Variants in MGAM observed in about 807,000 individuals in gnomAD.
MGAM encodes maltase-glucoamylase.
Under a neutral mutation model 358.8 loss-of-function variants are expected in MGAM, and 253 were observed. The ratio of observed to expected loss-of-function variants is 0.71; its 90% CI spans 0.64 to 0.78. The LOEUF (loss-of-function observed/expected upper bound fraction) is 0.78, where lower values mean the gene tolerates loss of function less well. Among genes scored for constraint, MGAM ranks in the 30% least tolerant of loss-of-function variants. The pLI is 0.00. For missense variants in MGAM, 3,080 were observed against 3,432.6 expected (o/e 0.90, Z 2.57); for synonymous variants, 1,105 against 1,227.1 (o/e 0.90, Z 2.08).
intron 18 of MGAM, among the ~76,000 whole-genome samples, chr7:142,037,796 T>C (rs1289713269): frequency 6.6e-6 from 1 of 152,192 alleles, no homozygotes; most frequent in Non-Finnish European, 1.5e-5. Flanking sequence ...CATATATTTA[T>C]GGGGTATATG....
chr7:142,060,163 T>G, intron 33 of MGAM, 148 bp from the exon 34 acceptor site: 1 of 1,305,482 alleles, frequency 7.7e-7, no homozygotes, highest in Non-Finnish European at 1.1e-6. Flanking sequence ...TAACGTGTTA[T>G]GGAGTTCACT....
chr7:142,049,306 T>G (rs60772239), intron 22 of MGAM, among the ~76,000 whole-genome samples: 3,364 of 152,228 alleles, frequency 0.022, 135 homozygotes, highest in African/African-American at 0.075. Context: ...TGTGCAGAAG[T>G]AAAATTAAAA....
chr7:142,016,986 C>A (rs1806024293), intron 3 of MGAM, among the ~76,000 whole-genome samples: 1 of 152,164 alleles, frequency 6.6e-6, no homozygotes, highest in Non-Finnish European at 1.5e-5. Context: ...GTTGGACTTA[C>A]TTCTTTAAAT....
At chr7:142,024,739 G>T (rs1806794957) in intron 7 of MGAM, among the ~76,000 whole-genome samples, 3 of 152,120 alleles carry the variant, frequency 2.0e-5, no homozygotes, top group Non-Finnish European at 4.4e-5. Flanking sequence ...GGTTAAGACA[G>T]GCCTCTTTGA....
Position 142,093,464 on chromosome 7 carries a change from T to C in MGAM, c.7086T>C (p.Ser2362=), listed in dbSNP as rs765841570. 3 of 1,532,774 alleles carry C rather than the reference T, an allele frequency of 2.0e-6. No individual in the cohort carries two copies. Among genetic ancestry groups the C allele is most frequent in the Non-Finnish European group, 2.7e-6 (3 of 1,120,696 alleles). The allele number at this position is 1,532,774 out of a possible 1,614,324, so 94.9% of individuals were successfully genotyped here. ...GLSSKTLCME[S]QQILPDGSPV... is the part of the protein sequence containing the mutation. ...GCAGCAAGACCCTGTGCATGGAGAG[T>C]CAGCAGATCCTCCCAGACGGCTCCC... The change falls in exon 60 of 71, where the codon AGT becomes AGC. Residue 2362 remains serine (S), a synonymous_variant. Coordinates refer to ENST00000475668, the MANE Select transcript of MGAM (RefSeq NM_001365693.1).
chr7:142,019,616 G>A lies in MGAM; in HGVS notation c.448+297G>A, dbSNP rs117322095. Reference sequence around the variant, plus strand: ...CAAGTTTATCCCTTTTAAAGTGGGGGATTTGAAATTGGTAACCTCTCAGAC... The same window carrying A: ...CAAGTTTATCCCTTTTAAAGTGGGGAATTTGAAATTGGTAACCTCTCAGAC... On this transcript the variant is annotated intron_variant, in intron 4 of 70. Transcript: ENST00000475668. Among the ~76,000 whole-genome samples the A allele has an allele frequency of 3.3e-3, 507 of 152,312 alleles. 15 individuals carry two copies. In the South Asian group the frequency reaches 0.056, roughly 17 times the overall value.
intron 1 of MGAM, among the ~76,000 whole-genome samples, chr7:141,996,310 A>G (rs1376554988): frequency 6.6e-6 from 1 of 152,158 alleles, no homozygotes; most frequent in East Asian, 1.9e-4. Flanking sequence ...CAAAAAAAAA[A>G]AAAAAGCCCT....
In MGAM at chr7:142,105,974, C is replaced by A; in HGVS notation, c.*83C>A. 9.2e-7 allele frequency: 1 copy of A among 1,091,882 alleles called. No individual in the cohort carries two copies. Among genetic ancestry groups the A allele is most frequent in the South Asian group, 1.3e-5 (1 of 76,214 alleles). The allele number at this position is 1,091,882 out of a possible 1,614,324, so 67.6% of individuals were successfully genotyped here. ...TACTCATAAAAATTATTGTGTGTTG[C>A]TAATTTGTTCATACCCACTATTGGT... On this transcript the variant is annotated 3_prime_UTR_variant, in exon 71 of 71. Coordinates refer to ENST00000475668, the MANE Select transcript of MGAM (RefSeq NM_001365693.1).
Position 142,022,136 on chromosome 7 carries a change from C to A in MGAM, c.711-132C>A. On this transcript the variant is annotated intron_variant, in intron 6 of 70. Coordinates refer to ENST00000475668, the MANE Select transcript of MGAM (RefSeq NM_001365693.1). Reference sequence around the variant, plus strand: ...TCTCTTGTTTTCCATAGAAAAATGTCACAGGAGGGCAAATGGGACTGAATG... The same window carrying A: ...TCTCTTGTTTTCCATAGAAAAATGTAACAGGAGGGCAAATGGGACTGAATG... 3.6e-6 allele frequency: 3 copies of A among 833,668 alleles called. No homozygotes were observed. The East Asian group carries it at 8.0e-5, about 22-fold the overall frequency. The allele number at this position is 833,668 out of a possible 1,614,324, so 51.6% of individuals were successfully genotyped here. A position where few individuals can be genotyped will look rare whatever the true frequency, so the allele number is the denominator to read the frequency against.
intron 44 of MGAM, 94 bp from the exon 45 acceptor site, chr7:142,073,991 C>A: frequency 1.1e-6 from 1 of 920,370 alleles, no homozygotes; most frequent in African/African-American, 1.6e-5. Context: ...CTGCTAGTAT[C>A]TTTTCCAGTT....
In MGAM at chr7:142,093,482, C is replaced by A; in HGVS notation, c.7104C>A (p.Asp2368Glu). ...LCMESQQILP[D>E]GSPVQHYNVH... is the part of the protein sequence containing the mutation. The stretch of plus-strand genomic sequence containing the variant: ...TGGAGAGTCAGCAGATCCTCCCAGA[C>A]GGCTCCCCGGTGCAGCACTACAATG... Residue 2368 changes from aspartate (D) to glutamate (E), a missense_variant, in exon 60 of 71, where the codon GAC becomes GAA. Asp to Glu is a conservative substitution (Grantham distance 45, BLOSUM62 2). Transcript: ENST00000475668. The A allele has an allele frequency of 6.6e-7, 1 of 1,523,424 alleles. No homozygotes were observed. Among genetic ancestry groups the A allele is most frequent in the South Asian group, 1.2e-5 (1 of 84,408 alleles). 94.4% of individuals were successfully genotyped at this position (1,523,424 alleles called of 1,614,324 possible).
chr7:142,002,492 T>A (rs1156960065), intron 1 of MGAM, among the ~76,000 whole-genome samples: 1 of 152,048 alleles, frequency 6.6e-6, no homozygotes, highest in East Asian at 1.9e-4. Flanking sequence ...TATCAATAGA[T>A]GCACAAAAAG....
chr7:142,044,515 G>A (rs1170754832), intron 21 of MGAM, among the ~76,000 whole-genome samples: 3 of 89,460 alleles, frequency 3.4e-5, no homozygotes, highest in African/African-American at 1.1e-4. Flanking sequence ...GATATATAAT[G>A]TATATTATAC....
rs148964047 is a variant in MGAM, at chr7:142,074,163, G to T, written c.5265G>T (p.Gly1755=). The change falls in exon 45 of 71, where the codon GGG becomes GGT. Residue 1755 remains glycine, a synonymous_variant. Transcript: ENST00000475668. ...AAGGAGAACTTTTCTGGGATGATGG[G>T]CAAACAAAGGGTGAGCGCTGTTACA... ...EAKGELFWDD[G]QTKDTVAKKV... is the part of the protein sequence containing the mutation. 424 of 1,532,436 alleles carry T rather than the reference G, an allele frequency of 2.8e-4. 16 individuals are homozygous for T. In the African/African-American group the frequency reaches 4.7e-3, roughly 17 times the overall value. 94.9% of individuals were successfully genotyped at this position (1,532,436 alleles called of 1,614,324 possible).
Position 142,093,625 on chromosome 7 carries a change from T to C in MGAM, c.7172+75T>C, listed in dbSNP as rs570787651. 5 of 1,366,350 alleles carry C rather than the reference T, an allele frequency of 3.7e-6. 1 individual carries two copies. In the South Asian group the frequency reaches 3.9e-5, roughly 11 times the overall value. The allele number at this position is 1,366,350 out of a possible 1,614,324, so 84.6% of individuals were successfully genotyped here. A position where few individuals can be genotyped will look rare whatever the true frequency, so the allele number is the denominator to read the frequency against. ...AGTGACTGACATAGCTACCCTACTT[T>C]TCTTTTCATTCCCATTCTAAGGGTT... On this transcript the variant is annotated intron_variant, in intron 60 of 70. Coordinates refer to ENST00000475668, the MANE Select transcript of MGAM (RefSeq NM_001365693.1).
At chr7:142,032,786 G>A in intron 13 of MGAM, 39 bp from the exon 14 acceptor site, 1 of 1,277,450 alleles carries the variant, frequency 7.8e-7, no homozygotes, top group Non-Finnish European at 1.1e-6. Flanking sequence ...AAGATAACAT[G>A]TTACTTTTTC....
At position 142,099,631 on chromosome 7, in the gene MGAM, A is replaced by G. The variant is rs1687152207; in HGVS notation, c.7768A>G (p.Arg2590Gly). ...DYYTGVDINA[R>G]GEWKTLPAPL... ...CCTCCAGGGTGTGGATATTAATGCAAGAGGAGAGTGGAAGACCTTGCCAGC... is the reference window on the plus strand; with the variant it reads ...CCTCCAGGGTGTGGATATTAATGCAGGAGGAGAGTGGAAGACCTTGCCAGC... The change falls in exon 67 of 71, where the codon AGA (arginine) becomes GGA (glycine). Residue 2590 changes from arginine (R) to glycine (G), a missense_variant. Physicochemically the swap from Arg to Gly is moderately radical, Grantham distance 125. Transcript: ENST00000475668. 6.2e-7 allele frequency: 1 copy of G among 1,613,956 alleles called. No individual in the cohort carries two copies. Among genetic ancestry groups the G allele is most frequent in the Admixed American group, 1.7e-5 (1 of 60,014 alleles).
At chr7:142,020,000 C>T (rs1489624495) in intron 4 of MGAM, among the ~76,000 whole-genome samples, 5 of 150,682 alleles carry the variant, frequency 3.3e-5, no homozygotes, top group Non-Finnish European at 2.9e-5. Context: ...ACCCAGGAGG[C>T]AGAGGTTGCA....
In MGAM at chr7:142,086,040, C is replaced by T. The variant is rs780996519; in HGVS notation, c.6636+79C>T. On this transcript the variant is annotated intron_variant, in intron 55 of 70. Transcript: ENST00000475668. ...TTGGAGAAAGTGTTATACTTTATTT[C>T]CATGTTGCAAGTAGATAAATTGAAG... 2.4e-5 allele frequency: 36 copies of T among 1,509,704 alleles called. 8 individuals are homozygous for T. The highest frequency in any genetic ancestry group is 3.1e-5 in the Non-Finnish European group (34 of 1,100,862). The allele number at this position is 1,509,704 out of a possible 1,614,324, so 93.5% of individuals were successfully genotyped here.
Sources: gnomAD v4.1 joint callset for allele counts (sites outside exome capture counted in the v4.1 genomes callset) on GRCh38, gnomAD v4.1.1 for gene constraint, MANE v1.5 for transcripts, NCBI Gene and HGNC (gene_info 2026-07-23, HGNC 2026-07-21) for gene names.